SGMS1: variants seen among roughly 807,000 people sequenced by gnomAD.
The protein encoded by SGMS1 is sphingomyelin synthase 1.
A neutral mutation model predicts 46.2 loss-of-function variants in SGMS1; 13 were observed. That is an observed-to-expected ratio of 0.28 (90% CI 0.18 to 0.45). The LOEUF is 0.45. SGMS1 is among the 20% of genes least tolerant of loss of function. The pLI, the probability that SGMS1 is intolerant of heterozygous loss-of-function variation, is 1.00. For missense variants in SGMS1, 324 were observed against 519.9 expected (o/e 0.62, Z 3.66); for synonymous variants, 203 against 187.8 (o/e 1.08, Z -0.66).
In SGMS1 at chr10:50,343,884, C is replaced by A; in HGVS notation, c.231G>T (p.Lys77Asn). The change falls in exon 7 of 11, where the codon AAG becomes AAT. Residue 77 changes from lysine (K) to asparagine (N), a missense_variant. Physicochemically the swap from Lys to Asn is moderately conservative, Grantham distance 94. Coordinates refer to ENST00000361781, the MANE Select transcript of SGMS1 (RefSeq NM_147156.4). ...TGAGGTGCCCATTGGCATGGCCGTT[C>A]TTGTGTGCTTCCAAATGGTGCTCCA... is the stretch of plus-strand genomic sequence containing the variant. ...LKMEHHLEAHKNGHANGHLNI... is the reference protein window; with the variant it reads ...LKMEHHLEAHNNGHANGHLNI... The A allele has an allele frequency of 6.2e-7, 1 of 1,614,122 alleles. No individual in the cohort carries two copies. Among genetic ancestry groups the A allele is most frequent in the Non-Finnish European group, 8.5e-7 (1 of 1,180,040 alleles).
chr10:50,603,590 G>A (rs190369862), intron 1 of SGMS1, among the ~76,000 whole-genome samples: 46 of 152,188 alleles, frequency 3.0e-4, no homozygotes, highest in Admixed American at 1.8e-3. Flanking sequence ...ATCAAAAACC[G>A]TACCTCCAAA....
intron 1 of SGMS1, among the ~76,000 whole-genome samples, chr10:50,614,673 G>A (rs1838780740): frequency 6.6e-6 from 1 of 152,256 alleles, no homozygotes; most frequent in Non-Finnish European, 1.5e-5. Flanking sequence ...AAATCTGAGA[G>A]CCACTGGCTT....
intron 8 of SGMS1, among the ~76,000 whole-genome samples, chr10:50,317,029 ACAGAAAATT>A (rs1350170566): frequency 6.6e-6 from 1 of 152,232 alleles, no homozygotes; most frequent in Non-Finnish European, 1.5e-5. Context: ...GTGCTCATGA[ACAGAAAATT>A]CATTTCATCC....
intron 3 of SGMS1, among the ~76,000 whole-genome samples, chr10:50,487,986 T>A (rs1312452834): frequency 8.2e-5 from 2 of 24,500 alleles, no homozygotes; most frequent in Non-Finnish European, 2.7e-4. Flanking sequence ...TTGTTTTTAT[T>A]TTATTTATTT....
At chr10:50,372,903 G>C (rs1449197267) in intron 6 of SGMS1, among the ~76,000 whole-genome samples, 1 of 151,632 alleles carries the variant, frequency 6.6e-6, no homozygotes, top group Non-Finnish European at 1.5e-5. Context: ...TTTATTCTTT[G>C]CTATAAGAAA....
chr10:50,343,434 A>G (rs1847853382), intron 7 of SGMS1, 58 bp downstream of exon 7: 2 of 1,464,978 alleles, frequency 1.4e-6, no homozygotes, highest in Non-Finnish European at 1.8e-6. Context: ...AATAATAAGT[A>G]GATGTTTGGA....
chr10:50,426,868 C>T (rs1050431650), intron 6 of SGMS1, among the ~76,000 whole-genome samples: 10 of 152,098 alleles, frequency 6.6e-5, no homozygotes, highest in African/African-American at 2.4e-4. Flanking sequence ...TAGTAAGACA[C>T]GGAGATCTAA....
At chr10:50,345,689 G>A (rs1564882865) in intron 6 of SGMS1, among the ~76,000 whole-genome samples, 1 of 152,154 alleles carries the variant, frequency 6.6e-6, no homozygotes, top group Non-Finnish European at 1.5e-5. Context: ...GAATTGACAT[G>A]ATACTCAAAG....
chr10:50,569,317 A>AAAG (rs61433452), intron 2 of SGMS1, among the ~76,000 whole-genome samples: 1 of 150,618 alleles, frequency 6.6e-6, no homozygotes, highest in African/African-American at 2.4e-5. Flanking sequence ...AAAAAAAAAA[A>AAAG]GAGTGGTTTA....
In SGMS1 at chr10:50,607,213, GCTCAAACGATCCACCCACCTCGGC is replaced by G. The variant is rs576136517; in HGVS notation, c.-684+16470_-684+16493del. ...GTCAAGGCTGGTCTCAAACTCCTGG[GCTCAAACGATCCACCCACCTCGGC>G]CTCCCAAAGTGCTAGGATTACATGT... On this transcript the variant is annotated intron_variant, in intron 1 of 10. Transcript: ENST00000361781. Among the ~76,000 whole-genome samples, 286 of 151,108 alleles carry G rather than the reference GCTCAAACGATCCACCCACCTCGGC, an allele frequency of 1.9e-3. 1 individual carries two copies. The highest frequency in any genetic ancestry group is 0.011 in the South Asian group (51 of 4,756).
rs201980693 is a variant in SGMS1, at chr10:50,343,372, G to GA, written c.623+119dup. 2.9e-3 allele frequency: 3,343 copies of GA among 1,140,788 alleles called. 4 individuals carry two copies. The highest frequency in any genetic ancestry group is 0.017 in the East Asian group (631 of 36,214). 70.7% of individuals were successfully genotyped at this position (1,140,788 alleles called of 1,614,324 possible). On this transcript the variant is annotated intron_variant, in intron 7 of 10. Transcript: ENST00000361781. ...TCCAACAGGGTATGTGTTTAAAAAA[G>GA]AAAAAAAAATAGTATGTTTTGATCC...
intron 3 of SGMS1, among the ~76,000 whole-genome samples, chr10:50,500,079 G>A (rs1299923073): frequency 1.3e-5 from 2 of 152,122 alleles, no homozygotes; most frequent in Non-Finnish European, 2.9e-5. Context: ...GAGGCAAGAG[G>A]ATCGCTTGAA....
intron 5 of SGMS1, among the ~76,000 whole-genome samples, chr10:50,444,695 A>G (rs567859436): frequency 6.8e-6 from 1 of 147,240 alleles, no homozygotes; most frequent in African/African-American, 2.6e-5. Context: ...GTTCATATCC[A>G]TCCTGGGCAA....
intron 2 of SGMS1, among the ~76,000 whole-genome samples, chr10:50,562,378 T>A (rs1172213938): frequency 7.1e-6 from 1 of 140,018 alleles, no homozygotes; most frequent in African/African-American, 2.6e-5. Flanking sequence ...ACACACACAC[T>A]CACACACGGG....
intron 2 of SGMS1, among the ~76,000 whole-genome samples, chr10:50,561,858 A>G (rs3011799): frequency 0.84 from 127,911 of 152,064 alleles, 53,896 homozygotes; most frequent in East Asian, 1. Context: ...TAATATTTCA[A>G]GTGGACCTCT....
rs980537753 is a variant in SGMS1 at position 50,312,399 on chromosome 10, A to T, written c.742-984T>A. 2.0e-4 allele frequency among the ~76,000 whole-genome samples: 31 copies of T among 152,004 alleles called. 1 individual carries two copies. Among genetic ancestry groups the T allele is most frequent in the Non-Finnish European group, 4.3e-4 (29 of 68,014 alleles). ...ACCACACAGAGGATATAAATTTCCA[A>T]ATCCAAAGAGATCACTGAATGCTCA... On this transcript the variant is annotated intron_variant, in intron 8 of 10. Coordinates refer to ENST00000361781, the MANE Select transcript of SGMS1 (RefSeq NM_147156.4).
At chr10:50,336,871 G>A (rs1487989754) in intron 7 of SGMS1, among the ~76,000 whole-genome samples, 1 of 152,170 alleles carries the variant, frequency 6.6e-6, no homozygotes, top group African/African-American at 2.4e-5. Context: ...ACACATTAAT[G>A]CTTACTACTC....
intron 5 of SGMS1, among the ~76,000 whole-genome samples, chr10:50,450,184 G>A (rs1044639222): frequency 6.6e-6 from 1 of 152,118 alleles, no homozygotes; most frequent in African/African-American, 2.4e-5. Flanking sequence ...ATCCATGGTA[G>A]TGAAATCATA....
At chr10:50,488,104 C>T (rs1226991225) in intron 3 of SGMS1, among the ~76,000 whole-genome samples, 1 of 151,908 alleles carries the variant, frequency 6.6e-6, no homozygotes, top group Non-Finnish European at 1.5e-5. Context: ...ACCTCTGCCT[C>T]CTGGGTTCTA....
Sources: allele counts gnomAD v4.1 joint callset (sites outside exome capture counted in the v4.1 genomes callset), GRCh38; gene constraint gnomAD v4.1.1; transcripts MANE v1.5; gene names NCBI Gene and HGNC (gene_info 2026-07-23, HGNC 2026-07-21).